SLX4IP: variants seen among roughly 807,000 people sequenced by gnomAD.
The protein encoded by SLX4IP is SLX4 interacting protein, also known as protein SLX4IP.
Under a neutral mutation model 32.9 loss-of-function variants are expected in SLX4IP, and 34 were observed. The observed-to-expected ratio is 1.03, with a 90% CI of 0.79 to 1.38. SLX4IP has a LOEUF of 1.38. SLX4IP is among the 40% of genes most tolerant of loss of function. The pLI is 0.00. For synonymous variants in SLX4IP, 172 were observed against 171.7 expected (o/e 1.00, Z -0.01); for missense variants, 444 against 479.0 (o/e 0.93, Z 0.68).
At chr20:10,558,558 A>G (rs1283451767) in intron 3 of SLX4IP, among the ~76,000 whole-genome samples, 2 of 152,200 alleles carry the variant, frequency 1.3e-5, no homozygotes, top group Non-Finnish European at 2.9e-5. Context: ...CATTTTATAC[A>G]GTGAAAGCCT....
At chr20:10,557,201 A>C (rs1440116406) in intron 3 of SLX4IP, among the ~76,000 whole-genome samples, 1 of 152,224 alleles carries the variant, frequency 6.6e-6, no homozygotes, top group Non-Finnish European at 1.5e-5. Context: ...AGTGGTGAAA[A>C]AACAAAAAGC....
intron 2 of SLX4IP, among the ~76,000 whole-genome samples, chr20:10,535,743 C>A (rs1485011412): frequency 1.3e-5 from 2 of 152,222 alleles, no homozygotes; most frequent in Admixed American, 1.3e-4. Context: ...CATGCACATT[C>A]ATGCTCCATC....
chr20:10,466,812 ATT>A lies in SLX4IP; in HGVS notation c.27+8583_27+8584del, dbSNP rs2065384596. Among the ~76,000 whole-genome samples the A allele has an allele frequency of 2.6e-5, 4 of 151,808 alleles. No individual in the cohort carries two copies. In the South Asian group the frequency reaches 8.3e-4, roughly 31 times the overall value. On this transcript the variant is annotated intron_variant, in intron 2 of 7. Transcript: ENST00000334534. ...TCGTTTTCTGAATCTAAAGTAAAAG[ATT>A]TAAGGTTTTATTAATATTTAGGAGG... is the stretch of plus-strand genomic sequence containing the variant.
At chr20:10,459,044 TA>T (rs1275744876) in intron 2 of SLX4IP, among the ~76,000 whole-genome samples, 5 of 152,268 alleles carry the variant, frequency 3.3e-5, no homozygotes, top group Non-Finnish European at 7.3e-5. Context: ...GACTTTTTAA[TA>T]ATCGCCATTC....
intron 4 of SLX4IP, 38 bp from the exon 5 acceptor site, chr20:10,598,633 GCAAA>G (rs767880741): frequency 8.9e-6 from 14 of 1,573,820 alleles, no homozygotes; most frequent in Admixed American, 8.3e-5. Context: ...AGATTTAGCG[GCAAA>G]CAAACTTAAC....
chr20:10,501,822 G>A (rs190777075), intron 2 of SLX4IP, among the ~76,000 whole-genome samples: 31 of 152,214 alleles, frequency 2.0e-4, no homozygotes, highest in African/African-American at 6.0e-4. Context: ...CTTCCGAGAC[G>A]CAGACAACTT....
In SLX4IP at chr20:10,510,546, G is replaced by C. The variant is rs1401273162; in HGVS notation, c.28-45685G>C. On this transcript the variant is annotated intron_variant, in intron 2 of 7. Coordinates refer to ENST00000334534, the MANE Select transcript of SLX4IP (RefSeq NM_001009608.3). ...GCAAGCTGCAGTGAAAGAGAGCCTGGCCATGGCCTTAGGTGCCTTGCAAAT... is the reference window on the plus strand; with the variant it reads ...GCAAGCTGCAGTGAAAGAGAGCCTGCCCATGGCCTTAGGTGCCTTGCAAAT... Among the ~76,000 whole-genome samples the C allele has an allele frequency of 2.0e-5, 3 of 152,030 alleles. No individual in the cohort carries two copies. The East Asian group carries it at 5.8e-4, about 29-fold the overall frequency.
At chr20:10,457,033 T>A (rs958810614) in intron 1 of SLX4IP, among the ~76,000 whole-genome samples, 1 of 152,216 alleles carries the variant, frequency 6.6e-6, no homozygotes, top group Admixed American at 6.5e-5. Flanking sequence ...ATTGTTGATA[T>A]GTAGCAATAC....
intron 6 of SLX4IP, chr20:10,613,664 C>T: frequency 6.2e-7 from 1 of 1,613,868 alleles, no homozygotes. Context: ...TTGCATTCAT[C>T]TTTTGTGTTG....
intron 1 of SLX4IP, among the ~76,000 whole-genome samples, chr20:10,450,587 C>G (rs1029978389): frequency 1.3e-5 from 2 of 152,068 alleles, no homozygotes; most frequent in African/African-American, 4.8e-5. Flanking sequence ...CTTAACATGA[C>G]TTAGGGTTTG....
chr20:10,547,039 A>G (rs2066169179), intron 2 of SLX4IP, among the ~76,000 whole-genome samples: 1 of 152,210 alleles, frequency 6.6e-6, no homozygotes, highest in African/African-American at 2.4e-5. Flanking sequence ...AGCCCTTCAT[A>G]ATAACATGGT....
chr20:10,556,553 A>T (rs1304432000), intron 3 of SLX4IP, among the ~76,000 whole-genome samples: 2 of 152,136 alleles, frequency 1.3e-5, no homozygotes, highest in African/African-American at 4.8e-5. Flanking sequence ...CAGACATTTT[A>T]TACCTCTTTG....
At chr20:10,620,778 A>G (rs1333126707) in intron 6 of SLX4IP, among the ~76,000 whole-genome samples, 2 of 152,100 alleles carry the variant, frequency 1.3e-5, no homozygotes, top group Non-Finnish European at 2.9e-5. Context: ...GATGGTCTCG[A>G]TCTCCTGACC....
intron 6 of SLX4IP, among the ~76,000 whole-genome samples, chr20:10,616,773 C>G (rs1772327292): frequency 6.6e-6 from 1 of 152,202 alleles, no homozygotes; most frequent in Non-Finnish European, 1.5e-5. Context: ...TCTAACATAG[C>G]ACCCCATGGC....
At chr20:10,471,600 G>A (rs1426338925) in intron 2 of SLX4IP, among the ~76,000 whole-genome samples, 2 of 152,178 alleles carry the variant, frequency 1.3e-5, no homozygotes, top group Non-Finnish European at 2.9e-5. Context: ...AGTTAGGGTT[G>A]TTAGATTTTA....
chr20:10,451,084 T>C (rs1361255045), intron 1 of SLX4IP, among the ~76,000 whole-genome samples: 1 of 103,562 alleles, frequency 9.7e-6, no homozygotes, highest in East Asian at 2.1e-4. Context: ...TTTTATTTAG[T>C]CCTTTCAATA....
At position 10,473,175 on chromosome 20, in the gene SLX4IP, G is replaced by T. The variant is rs1005134298; in HGVS notation, c.27+14944G>T. ...GCATTCGGTCTGGCTGTTATACGCT[G>T]TGGTGGTACTTAGCTTGTGAACCAG... is the stretch of plus-strand genomic sequence containing the variant. On this transcript the variant is annotated intron_variant, in intron 2 of 7. Transcript: ENST00000334534. Among the ~76,000 whole-genome samples the T allele has an allele frequency of 2.6e-5, 4 of 152,234 alleles. No homozygotes were observed. The South Asian group carries it at 6.2e-4, about 24-fold the overall frequency.
At chr20:10,457,370 A>G (rs2065293458) in intron 1 of SLX4IP, among the ~76,000 whole-genome samples, 1 of 151,302 alleles carries the variant, frequency 6.6e-6, no homozygotes, top group African/African-American at 2.4e-5. Context: ...AATGTCTTTT[A>G]TCAGGTTGAG....
intron 4 of SLX4IP, among the ~76,000 whole-genome samples, chr20:10,574,165 A>C (rs1444849948): frequency 2.0e-5 from 3 of 152,220 alleles, no homozygotes; most frequent in Non-Finnish European, 4.4e-5. Context: ...ATCACCTGTT[A>C]TGGACATAGC....
Sources: allele counts gnomAD v4.1 joint callset (sites outside exome capture counted in the v4.1 genomes callset), GRCh38; gene constraint gnomAD v4.1.1; transcripts MANE v1.5; gene names NCBI Gene and HGNC (gene_info 2026-07-23, HGNC 2026-07-21).